The following PHLPP1 variants were observed in gnomAD, a reference collection of about 807,000 sequenced individuals.
PHLPP1 encodes the protein PH domain and leucine rich repeat protein phosphatase 1, also known as PH domain leucine-rich repeat-containing protein phosphatase 1.
In PHLPP1, 42 loss-of-function variants were observed where a neutral mutation model predicts 117.2. The ratio of observed to expected loss-of-function variants is 0.36; its 90% confidence interval spans 0.28 to 0.46. PHLPP1 has a LOEUF of 0.46. Among genes scored for constraint, PHLPP1 ranks in the 20% least tolerant of loss-of-function variants. PHLPP1 has a pLI of 1.00. For missense variants in PHLPP1, 2,084 were observed against 2,241.9 expected (o/e 0.93, Z 1.42); for synonymous variants, 1,042 against 970.7 (o/e 1.07, Z -1.37).
chr18:62,783,933 A>G (rs913687015), intron 1 of PHLPP1, among the ~76,000 whole-genome samples: 1 of 152,216 alleles, frequency 6.6e-6, no homozygotes, highest in South Asian at 2.1e-4. Context: ...ATGAGAAGAA[A>G]GATGGCCACA....
rs191236997 is a variant in PHLPP1 at position 62,945,388 on chromosome 18, C to T, written c.3324+117C>T. On this transcript the variant is annotated intron_variant, in intron 12 of 16. Transcript: ENST00000262719. ...TGGATTTATTCAGAATGAAGGCCCC[C>T]ATTAGCCCTTACTTCCTCCTTCCTA... The T allele has an allele frequency of 1.8e-4, 147 of 795,530 alleles. No individual in the cohort carries two copies. The East Asian group carries it at 4.3e-3, about 23-fold the overall frequency. 49.3% of individuals were successfully genotyped at this position (795,530 alleles called of 1,614,324 possible). A position where few individuals can be genotyped will look rare whatever the true frequency, so the allele number is the denominator to read the frequency against.
intron 15 of PHLPP1, among the ~76,000 whole-genome samples, chr18:62,973,156 G>A (rs1382224301): frequency 1.3e-5 from 2 of 152,174 alleles, no homozygotes; most frequent in African/African-American, 4.8e-5. Context: ...AAACCTTTGT[G>A]AAATCAAGAT....
chr18:62,913,624 G>C (rs985941583), intron 8 of PHLPP1, among the ~76,000 whole-genome samples: 2 of 151,426 alleles, frequency 1.3e-5, no homozygotes, highest in Admixed American at 1.3e-4. Context: ...ATTTTAAAAA[G>C]AAAGTAAAAA....
At chr18:62,921,366 A>G (rs931086624) in intron 10 of PHLPP1, among the ~76,000 whole-genome samples, 7 of 152,204 alleles carry the variant, frequency 4.6e-5, no homozygotes, top group East Asian at 1.9e-4. Flanking sequence ...AATGTTAGCT[A>G]TGTTTCAGCA....
chr18:62,874,336 T>C (rs1915982735), intron 4 of PHLPP1, among the ~76,000 whole-genome samples: 1 of 151,934 alleles, frequency 6.6e-6, no homozygotes, highest in South Asian at 2.1e-4. Flanking sequence ...GTTGAAACCC[T>C]ATCTCTACTA....
At chr18:62,839,052 A>T (rs1914987633) in intron 3 of PHLPP1, 143 bp downstream of exon 3, 1 of 849,572 alleles carries the variant, frequency 1.2e-6, no homozygotes, top group East Asian at 2.6e-5. Flanking sequence ...AGCAATTTTT[A>T]GTTTTTTAAA....
chr18:62,791,262 G>T (rs920621810), intron 1 of PHLPP1, among the ~76,000 whole-genome samples: 2 of 152,108 alleles, frequency 1.3e-5, no homozygotes, highest in Admixed American at 1.3e-4. Context: ...AGTCAGTAAT[G>T]AGACTTGCTC....
intron 1 of PHLPP1, among the ~76,000 whole-genome samples, chr18:62,757,164 T>C (rs1287543286): frequency 6.6e-6 from 1 of 152,224 alleles, no homozygotes; most frequent in Admixed American, 6.5e-5. Flanking sequence ...GTTTATACTT[T>C]ACAGGAAGAC....
chr18:62,934,692 T>C (rs1008363184), intron 10 of PHLPP1, among the ~76,000 whole-genome samples: 4 of 152,174 alleles, frequency 2.6e-5, no homozygotes, highest in East Asian at 1.9e-4. Flanking sequence ...CCTGCACATA[T>C]ACCTTCTGAA....
At chr18:62,783,142 C>T (rs1342429491) in intron 1 of PHLPP1, among the ~76,000 whole-genome samples, 1 of 131,306 alleles carries the variant, frequency 7.6e-6, no homozygotes, top group Non-Finnish European at 1.6e-5. Context: ...TATTTGTTTT[C>T]AGAGTTTTAA....
At chr18:62,848,393 A>G (rs1915234718) in intron 3 of PHLPP1, among the ~76,000 whole-genome samples, 1 of 150,840 alleles carries the variant, frequency 6.6e-6, no homozygotes, top group Admixed American at 6.6e-5. Context: ...TGTTGAAGAT[A>G]CTTTGTAGTA....
At chr18:62,822,280 G>GTTTTTTTTTTTTTTTTTTTT (rs796719016) in intron 1 of PHLPP1, among the ~76,000 whole-genome samples, 1 of 95,982 alleles carries the variant, frequency 1.0e-5, no homozygotes, top group Non-Finnish European at 2.0e-5. Flanking sequence ...TTTTTTTTTT[G>GTTTTTTTTTTTTTTTTTTTT]TTTTTGTTTT....
At chr18:62,907,256 C>G (rs1916873392) in intron 8 of PHLPP1, among the ~76,000 whole-genome samples, 1 of 27,294 alleles carries the variant, frequency 3.7e-5, no homozygotes, top group African/African-American at 1.2e-4. Context: ...CGCCTCTCCT[C>G]CTCCAAAGGA....
intron 4 of PHLPP1, among the ~76,000 whole-genome samples, chr18:62,864,673 C>A (rs1915726785): frequency 6.6e-6 from 1 of 152,184 alleles, no homozygotes; most frequent in Non-Finnish European, 1.5e-5. Context: ...AATAAGAAGG[C>A]TTTCTATTAA....
At chr18:62,843,531 C>T (rs548730586) in intron 3 of PHLPP1, among the ~76,000 whole-genome samples, 3 of 152,120 alleles carry the variant, frequency 2.0e-5, no homozygotes, top group Non-Finnish European at 4.4e-5. Context: ...AACTTTAGCA[C>T]TTAATATTGC....
rs539271528 is a variant in PHLPP1 at position 62,979,103 on chromosome 18, A to G, written c.4826A>G (p.Lys1609Arg). ...ANEDEPGLPRKADFSAVGTIG... is the reference protein window; with the variant it reads ...ANEDEPGLPRRADFSAVGTIG... ...GAGGATGAGCCAGGTCTGCCCAGGA[A>G]GGCAGACTTCTCTGCCGTTGGGACC... Residue 1609 changes from lysine to arginine, a missense_variant, in exon 17 of 17, where the codon AAG becomes AGG. This residue lies in a region of PHLPP1 where 1,365 missense variants were observed against 1,605.9 expected (regional missense o/e 0.85). Transcript: ENST00000262719. 5 of 1,613,778 alleles carry G rather than the reference A, an allele frequency of 3.1e-6. No individual in the cohort carries two copies. The African/African-American group carries it at 4.0e-5, about 13-fold the overall frequency.
At chr18:62,767,158 A>G (rs935852726) in intron 1 of PHLPP1, among the ~76,000 whole-genome samples, 2 of 152,228 alleles carry the variant, frequency 1.3e-5, no homozygotes. Context: ...TCATAGTATT[A>G]TGATATCTCA....
intron 3 of PHLPP1, among the ~76,000 whole-genome samples, chr18:62,855,841 C>T (rs1915481512): frequency 6.6e-6 from 1 of 152,128 alleles, no homozygotes; most frequent in Non-Finnish European, 1.5e-5. Flanking sequence ...TGAAAGGATG[C>T]ACTAGATGCA....
chr18:62,958,520 A>G lies in PHLPP1; in HGVS notation c.3325-109A>G, dbSNP rs1218129979. ...CTCCTTTTCCACATTTGTCTAGTGT[A>G]TTATAATGAATGGTCAGACTGATTT... On this transcript the variant is annotated intron_variant, in intron 12 of 16. Coordinates refer to ENST00000262719, the MANE Select transcript of PHLPP1 (RefSeq NM_194449.4). The G allele has an allele frequency of 1.6e-5, 17 of 1,033,730 alleles. No homozygotes were observed. In the East Asian group the frequency reaches 3.4e-4, roughly 20 times the overall value. 64.0% of individuals were successfully genotyped at this position (1,033,730 alleles called of 1,614,324 possible). A position where few individuals can be genotyped will look rare whatever the true frequency, so the allele number is the denominator to read the frequency against.
Sources: gnomAD v4.1 joint callset for allele counts (sites outside exome capture counted in the v4.1 genomes callset) on GRCh38, gnomAD v4.1.1 for gene constraint, gnomAD v4.1.1 regional missense constraint, MANE v1.5 for transcripts, NCBI Gene and HGNC (gene_info 2026-07-23, HGNC 2026-07-21) for gene names.